Variants in PCDHGA3 observed in about 807,000 individuals in gnomAD.
The protein encoded by PCDHGA3 is protocadherin gamma subfamily A, 3, also known as protocadherin gamma-A3.
In PCDHGA3, 40 loss-of-function variants were observed where a neutral mutation model predicts 58.5. That is an observed-to-expected ratio of 0.68 (90% CI 0.53 to 0.89). The LOEUF is 0.89. PCDHGA3 is among the 40% of genes least tolerant of loss of function. The probability of loss-of-function intolerance (pLI) is 0.00; values close to 1 mark genes in which losing one functional copy is unlikely to be tolerated. For missense variants in PCDHGA3, 1,223 were observed against 1,195.9 expected, an observed-to-expected ratio of 1.02 and a Z score of -0.33; for synonymous variants, 530 against 525.7, an observed-to-expected ratio of 1.01 and a Z score of -0.11.
intron 1 of PCDHGA3, among the ~76,000 whole-genome samples, chr5:141,471,076 T>C (rs1463083616): frequency 1.5e-5 from 2 of 136,094 alleles, no homozygotes; most frequent in Non-Finnish European, 3.1e-5. Context: ...TGAGACAGGG[T>C]CTCCCTCTGT....
At chr5:141,391,258 T>C (rs1419386522) in intron 1 of PCDHGA3, 3 of 152,182 alleles carry the variant, frequency 2.0e-5, no homozygotes, top group African/African-American at 7.2e-5. Context: ...ACTGCTTCAG[T>C]TAATGGCCAC....
At chr5:141,502,782 T>C (rs1200280465) in intron 2 of PCDHGA3, among the ~76,000 whole-genome samples, 1 of 152,132 alleles carries the variant, frequency 6.6e-6, no homozygotes, top group African/African-American at 2.4e-5. Context: ...GAAAATTACC[T>C]GGATGATTTC....
At chr5:141,356,684 C>T (rs775190688) in intron 1 of PCDHGA3, 1 of 1,613,992 alleles carries the variant, frequency 6.2e-7, no homozygotes, top group Non-Finnish European at 8.5e-7. Flanking sequence ...GCCGAAGACA[C>T]CTTCCAGGGT....
chr5:141,488,572 T>C (rs888054788), intron 1 of PCDHGA3, among the ~76,000 whole-genome samples: 28 of 152,212 alleles, frequency 1.8e-4, no homozygotes, highest in African/African-American at 6.8e-4. Flanking sequence ...CCGCAAAGCA[T>C]TGCTGGAGAG....
intron 1 of PCDHGA3, among the ~76,000 whole-genome samples, chr5:141,467,938 C>A (rs527892047): frequency 9.8e-5 from 15 of 152,304 alleles, no homozygotes; most frequent in Non-Finnish European, 1.5e-4. Flanking sequence ...GGATTACAAG[C>A]ATGAGCCACC....
intron 1 of PCDHGA3, chr5:141,350,564 G>A: frequency 6.2e-7 from 1 of 1,614,056 alleles, no homozygotes; most frequent in South Asian, 1.1e-5. Context: ...GTGTGCACTA[G>A]AATTCGAAAC....
intron 1 of PCDHGA3, chr5:141,400,190 T>C: frequency 1.2e-6 from 2 of 1,614,016 alleles, no homozygotes; most frequent in Non-Finnish European, 1.7e-6. Context: ...CAGTTTTACC[T>C]AGTGGTGGCC....
At chr5:141,388,811 A>C (rs375009380) in intron 1 of PCDHGA3, 21 of 1,613,866 alleles carry the variant, frequency 1.3e-5, no homozygotes, top group Non-Finnish European at 1.6e-5. Context: ...ATTTTGAAGA[A>C]GTCAAAGAAT....
intron 1 of PCDHGA3, chr5:141,411,324 C>T (rs1171274674): frequency 1.3e-5 from 2 of 152,166 alleles, no homozygotes; most frequent in Admixed American, 6.5e-5. Context: ...AATCACAGCA[C>T]TTTGATAGGC....
At chr5:141,379,501 T>C (rs969965140) in intron 1 of PCDHGA3, 7 of 152,268 alleles carry the variant, frequency 4.6e-5, no homozygotes, top group Non-Finnish European at 8.8e-5. Context: ...CAATTTGGGA[T>C]GTTAAACTAC....
chr5:141,399,407 C>T (rs1168752842), intron 1 of PCDHGA3: 5 of 1,613,914 alleles, frequency 3.1e-6, no homozygotes, highest in Non-Finnish European at 4.2e-6. Context: ...GGCAAGCCGC[C>T]CCTCTCCTCC....
chr5:141,489,458 G>A lies in PCDHGA3; in HGVS notation c.2425-5349G>A, dbSNP rs143138320. 3.5e-5 allele frequency: 56 copies of A among 1,614,042 alleles called. No homozygotes were observed. The highest frequency in any genetic ancestry group is 8.0e-5 in the African/African-American group (6 of 75,052). ...CAATTGGGCTCTGAGGAGAATGGGC[G>A]CTATTTTTCCCTGAGCTTGATGAGT... is the stretch of plus-strand genomic sequence containing the variant. On this transcript the variant is annotated intron_variant, in intron 1 of 3. Transcript: ENST00000253812. This position sits in a 1 kb window ranked among gnomAD's most constrained non-coding sequence, Gnocchi z 4.5.
At chr5:141,408,856 G>A (rs750037212) in intron 1 of PCDHGA3, 1 of 1,613,518 alleles carries the variant, frequency 6.2e-7, no homozygotes, top group Non-Finnish European at 8.5e-7. Flanking sequence ...TGGACGGAGG[G>A]GACCCACCAA....
rs1360364370 is a variant in PCDHGA3, at chr5:141,491,814, G to A, written c.2425-2993G>A. 1 of 1,486,114 alleles carries A rather than the reference G, an allele frequency of 6.7e-7. No individual in the cohort carries two copies. The allele number at this position is 1,486,114 out of a possible 1,614,324, so 92.1% of individuals were successfully genotyped here. On this transcript the variant is annotated intron_variant, in intron 1 of 3. Transcript: ENST00000253812. This position sits in a 1 kb window ranked among gnomAD's most constrained non-coding sequence, Gnocchi z 6.9. ...TCCTCTCCGGCCGGCTTGGTCGCTGGCTGCGCTCCACCCGATTCTCGGGAT... is the reference window on the plus strand; with the variant it reads ...TCCTCTCCGGCCGGCTTGGTCGCTGACTGCGCTCCACCCGATTCTCGGGAT...
chr5:141,426,766 T>C (rs2096958771), intron 1 of PCDHGA3: 1 of 456,532 alleles, frequency 2.2e-6, no homozygotes, highest in South Asian at 1.5e-5. Flanking sequence ...GATGCAGATG[T>C]AGGGCCTCAC....
Position 141,490,522 on chromosome 5 carries a change from G to A in PCDHGA3, c.2425-4285G>A, listed in dbSNP as rs191201177. ...CTATATCATCGAGCTGCTGGCCAGC[G>A]ATGCTGGTTCACCTTCCCTACACAA... On this transcript the variant is annotated intron_variant, in intron 1 of 3. Transcript: ENST00000253812. This position sits in a 1 kb window ranked among gnomAD's most constrained non-coding sequence, Gnocchi z 5.4. 5.0e-6 allele frequency: 8 copies of A among 1,614,054 alleles called. No homozygotes were observed. Among genetic ancestry groups the A allele is most frequent in the Admixed American group, 3.3e-5 (2 of 60,010 alleles).
Position 141,491,900 on chromosome 5 carries a change from G to A in PCDHGA3, c.2425-2907G>A, listed in dbSNP as rs1268804496. 7.0e-7 allele frequency: 1 copy of A among 1,429,818 alleles called. No individual in the cohort carries two copies. Among genetic ancestry groups the A allele is most frequent in the East Asian group, 2.5e-5 (1 of 39,444 alleles). The allele number at this position is 1,429,818 out of a possible 1,614,324, so 88.6% of individuals were successfully genotyped here. A position where few individuals can be genotyped will look rare whatever the true frequency, so the allele number is the denominator to read the frequency against. ...TAAGGGATGGGGCTCCGAGCACCGGGGGTGGTGGCGACTGTGGGCGAGGGG... is the reference window on the plus strand; with the variant it reads ...TAAGGGATGGGGCTCCGAGCACCGGAGGTGGTGGCGACTGTGGGCGAGGGG... On this transcript the variant is annotated intron_variant, in intron 1 of 3. Coordinates refer to ENST00000253812, the MANE Select transcript of PCDHGA3 (RefSeq NM_018916.4). This position sits in a 1 kb window ranked among gnomAD's most constrained non-coding sequence, Gnocchi z 6.9.
intron 1 of PCDHGA3, chr5:141,383,233 G>T: frequency 6.2e-7 from 1 of 1,613,972 alleles, no homozygotes. Flanking sequence ...CCTGATGGAA[G>T]ATAAAATGAA....
rs770235234 is a variant in PCDHGA3 at position 141,422,145 on chromosome 5, G to T, written c.2425-72662G>T. On this transcript the variant is annotated intron_variant, in intron 1 of 3. Coordinates refer to ENST00000253812, the MANE Select transcript of PCDHGA3 (RefSeq NM_018916.4). Reference sequence around the variant, plus strand: ...AAACTGGAGAAGTTCAAGTACGGGGGTCTCTGGATTTTGAAAAATATAGAT... The same window carrying T: ...AAACTGGAGAAGTTCAAGTACGGGGTTCTCTGGATTTTGAAAAATATAGAT... The T allele has an allele frequency of 8.2e-6, 13 of 1,580,608 alleles. No individual in the cohort carries two copies. The African/African-American group carries it at 1.5e-4, about 18-fold the overall frequency.
Sources: gnomAD v4.1 joint callset for allele counts (sites outside exome capture counted in the v4.1 genomes callset) on GRCh38, gnomAD v4.1.1 for gene constraint, Gnocchi (gnomAD v3.1) non-coding constraint, MANE v1.5 for transcripts, NCBI Gene and HGNC (gene_info 2026-07-23, HGNC 2026-07-21) for gene names.